The following CTU1 variants were observed in gnomAD, a reference collection of about 807,000 sequenced individuals.
CTU1 encodes cytosolic thiouridylase subunit 1.
Under a neutral mutation model 12.9 loss-of-function variants are expected in CTU1, and 15 were observed. The ratio of observed to expected loss-of-function variants is 1.16; its 90% CI spans 0.78 to 1.79. CTU1 has a LOEUF of 1.79. Ranked by LOEUF, CTU1 falls within the 40% of genes most tolerant of loss-of-function variation. The pLI, the probability that CTU1 is intolerant of heterozygous loss-of-function variation, is 0.00. For missense variants in CTU1, 553 were observed against 550.5 expected (o/e 1.00, Z -0.05); for synonymous variants, 295 against 275.6 (o/e 1.07, Z -0.70).
intron 1 of CTU1, 47 bp from the exon 2 acceptor site, chr19:51,104,637 G>A: frequency 8.3e-7 from 1 of 1,201,702 alleles, no homozygotes; most frequent in Non-Finnish European, 1.0e-6. Context: ...ATTCCGGATT[G>A]CAGGGTCCCT....
chr19:51,103,742 G>T (rs1375541345), intron 2 of CTU1, among the ~76,000 whole-genome samples: 1 of 152,192 alleles, frequency 6.6e-6, no homozygotes, highest in Non-Finnish European at 1.5e-5. Context: ...TAAAGGACCA[G>T]AGATCTCCAG....
chr19:51,106,800 A>G (rs142005683), intron 1 of CTU1, among the ~76,000 whole-genome samples: 5 of 151,994 alleles, frequency 3.3e-5, no homozygotes, highest in African/African-American at 9.7e-5. Context: ...TTACAGGCGT[A>G]AGCCACTGTG....
At chr19:51,099,372 G>A (rs1186838626) in intron 2 of CTU1, among the ~76,000 whole-genome samples, 1 of 152,140 alleles carries the variant, frequency 6.6e-6, no homozygotes, top group Non-Finnish European at 1.5e-5. Flanking sequence ...CCAGAGACAG[G>A]GAGGGGGAGA....
chr19:51,104,001 C>T, intron 2 of CTU1, 61 bp downstream of exon 2: 1 of 1,374,208 alleles, frequency 7.3e-7, no homozygotes, highest in Non-Finnish European at 9.4e-7. Context: ...CCCGCCTCCT[C>T]GCCTGTGCAT....
intron 2 of CTU1, among the ~76,000 whole-genome samples, chr19:51,101,132 C>A (rs188282859): frequency 2.0e-5 from 3 of 152,052 alleles, no homozygotes; most frequent in African/African-American, 7.2e-5. Context: ...TCTATACAGA[C>A]GCAGTTTCTC....
chr19:51,101,862 G>A (rs950011844), intron 2 of CTU1, among the ~76,000 whole-genome samples: 3 of 152,084 alleles, frequency 2.0e-5, no homozygotes, highest in Non-Finnish European at 2.9e-5. Flanking sequence ...ATTATACTAC[G>A]CCTTTGAAAA....
At position 51,098,637 on chromosome 19, in the gene CTU1, G is replaced by GCC; in HGVS notation, c.1010_1011insGG (p.Arg338AlafsTer22). On this transcript the variant is annotated frameshift_variant, in exon 3 of 3. Transcript: ENST00000421832. LOFTEE classifies it low-confidence loss of function (END_TRUNC). This position sits in a 1 kb window ranked among gnomAD's most constrained non-coding sequence, Gnocchi z 4.3. ...GGACGGCCTTGGAGGCGGGGGGCCG[G>GCC]GCCGGATCCCCGGGCGTCCCCGGCG... 7.6e-7 allele frequency: 1 copy of GCC among 1,311,342 alleles called. No individual in the cohort carries two copies. Among genetic ancestry groups the GCC allele is most frequent in the South Asian group, 2.0e-5 (1 of 49,814 alleles). The allele number at this position is 1,311,342 out of a possible 1,614,324, so 81.2% of individuals were successfully genotyped here. A position where few individuals can be genotyped will look rare whatever the true frequency, so the allele number is the denominator to read the frequency against.
Position 51,098,399 on chromosome 19 carries a change from C to A in CTU1, c.*202G>T. 2.4e-6 allele frequency: 1 copy of A among 409,338 alleles called. No individual in the cohort carries two copies. Among genetic ancestry groups the A allele is most frequent in the African/African-American group, 2.1e-5 (1 of 48,026 alleles). The allele number at this position is 409,338 out of a possible 1,614,324, so 25.4% of individuals were successfully genotyped here. A position where few individuals can be genotyped will look rare whatever the true frequency, so the allele number is the denominator to read the frequency against. On this transcript the variant is annotated 3_prime_UTR_variant, in exon 3 of 3. Coordinates refer to ENST00000421832, the MANE Select transcript of CTU1 (RefSeq NM_145232.4). The surrounding 1 kb of genome is among the most constrained non-coding windows in gnomAD (Gnocchi z 4.3). ...CCCCCAGCCCCCTCCTCCCTCAGAG[C>A]CTGAAGCCCAGTTCGAGACCCTTCT...
chr19:51,102,873 C>T (rs1213133569), intron 2 of CTU1, among the ~76,000 whole-genome samples: 1 of 152,186 alleles, frequency 6.6e-6, no homozygotes, highest in Non-Finnish European at 1.5e-5. Flanking sequence ...GATTTCAAAA[C>T]CGTTCCTTGA....
intron 1 of CTU1, among the ~76,000 whole-genome samples, chr19:51,105,484 T>A (rs1006828411): frequency 3.3e-5 from 5 of 151,836 alleles, no homozygotes; most frequent in African/African-American, 1.2e-4. Flanking sequence ...CCATAAAAAC[T>A]CCCCAGGCTC....
chr19:51,104,393 C>T lies in CTU1; in HGVS notation c.177G>A (p.Ser59=), dbSNP rs1295822560. 1.6e-6 allele frequency: 2 copies of T among 1,284,024 alleles called. No individual in the cohort carries two copies. The highest frequency in any genetic ancestry group is 3.9e-5 in the East Asian group (1 of 25,802). 79.5% of individuals were successfully genotyped at this position (1,284,024 alleles called of 1,614,324 possible). ...PPGAVVAVGA[S]GGKDSTVLAH... is the part of the protein sequence containing the mutation. ...CCAGCACCGTGGAGTCCTTGCCGCC[C>T]GAGGCGCCCACGGCCACCACCGCGC... The change falls in exon 2 of 3, where the codon TCG becomes TCA. Residue 59 remains serine, a synonymous_variant. Coordinates refer to ENST00000421832, the MANE Select transcript of CTU1 (RefSeq NM_145232.4).
intron 2 of CTU1, among the ~76,000 whole-genome samples, chr19:51,099,345 G>A (rs1357086087): frequency 1.3e-5 from 2 of 152,062 alleles, no homozygotes; most frequent in African/African-American, 2.4e-5. Flanking sequence ...CCCCAAACAT[G>A]GTGTGACAGC....
chr19:51,104,491 CG>C lies in CTU1; in HGVS notation c.78del (p.Cys26TrpfsTer143). On this transcript the variant is annotated frameshift_variant, in exon 2 of 3. Transcript: ENST00000421832. LOFTEE classifies it high-confidence loss of function. The stretch of plus-strand genomic sequence containing the variant: ...TCGAAGGCGGCGCAGAAGCAGGCAC[CG>C]CACAGCGCTTGGCCCGAGAGCGGAC... ...LRRPLSGQAL[C>X]GACFCAAFEA... The C allele has an allele frequency of 7.6e-7, 1 of 1,311,288 alleles. No homozygotes were observed. Among genetic ancestry groups the C allele is most frequent in the Non-Finnish European group, 9.7e-7 (1 of 1,032,614 alleles). The allele number at this position is 1,311,288 out of a possible 1,614,324, so 81.2% of individuals were successfully genotyped here. A position where few individuals can be genotyped will look rare whatever the true frequency, so the allele number is the denominator to read the frequency against.
At chr19:51,104,878 G>A (rs911723981) in intron 1 of CTU1, among the ~76,000 whole-genome samples, 5 of 152,194 alleles carry the variant, frequency 3.3e-5, no homozygotes, top group Non-Finnish European at 7.3e-5. Context: ...CGACAAGCAG[G>A]TTATACCCAG....
intron 2 of CTU1, among the ~76,000 whole-genome samples, chr19:51,100,884 C>T (rs189721130): frequency 6.6e-6 from 1 of 151,902 alleles, no homozygotes; most frequent in African/African-American, 2.4e-5. Context: ...CTCTGACAAC[C>T]CAGACTGTAG....
intron 1 of CTU1, among the ~76,000 whole-genome samples, chr19:51,107,191 A>C (rs8102285): frequency 0.086 from 13,121 of 152,238 alleles, 1,824 homozygotes; most frequent in African/African-American, 0.29. Flanking sequence ...AGGTTTATTC[A>C]GGAGGAGATG....
chr19:51,107,408 G>T (rs1200090465), intron 1 of CTU1, among the ~76,000 whole-genome samples: 1 of 152,186 alleles, frequency 6.6e-6, no homozygotes. Flanking sequence ...AGGCTGCAGT[G>T]AGCCATGATC....
At chr19:51,102,223 C>G (rs182590134) in intron 2 of CTU1, among the ~76,000 whole-genome samples, 4 of 152,200 alleles carry the variant, frequency 2.6e-5, no homozygotes, top group African/African-American at 9.7e-5. Context: ...AGGCTGGCCT[C>G]GAACGTTTGA....
intron 1 of CTU1, among the ~76,000 whole-genome samples, chr19:51,105,068 G>A (rs1599808072): frequency 6.6e-6 from 1 of 152,194 alleles, no homozygotes; most frequent in African/African-American, 2.4e-5. Flanking sequence ...TAAGGGCAGA[G>A]GGAGGCCAGG....
Sources: allele counts gnomAD v4.1 joint callset (sites outside exome capture counted in the v4.1 genomes callset), GRCh38; gene constraint gnomAD v4.1.1; non-coding constraint Gnocchi (gnomAD v3.1); transcripts MANE v1.5; gene names NCBI Gene and HGNC (gene_info 2026-07-23, HGNC 2026-07-21).